The following RAI1 variants were observed in gnomAD, a reference collection of about 807,000 sequenced individuals.
RAI1 encodes the protein retinoic acid-induced protein 1.
In RAI1, 9 loss-of-function variants were observed where a neutral mutation model predicts 123.8. The observed-to-expected ratio is 0.07, with a 90% confidence interval of 0.04 to 0.13. The LOEUF (loss-of-function observed/expected upper bound fraction) is 0.13. Among genes scored for constraint, RAI1 ranks in the 10% least tolerant of loss-of-function variants. The pLI is 1.00. For synonymous variants in RAI1, 1,231 were observed against 1,127.3 expected (o/e 1.09, Z -1.84); for missense variants, 2,256 against 2,545.8 (o/e 0.89, Z 2.45).
At chr17:17,763,497 C>T (rs1418607705) in intron 2 of RAI1, among the ~76,000 whole-genome samples, 1 of 152,180 alleles carries the variant, frequency 6.6e-6, no homozygotes, top group Non-Finnish European at 1.5e-5. Context: ...GAGGGGGCAC[C>T]GAGGGACCCT....
rs1475115260 is a variant in RAI1 at position 17,811,100 on chromosome 17, C to G, written c.*1119C>G. On this transcript the variant is annotated 3_prime_UTR_variant, in exon 6 of 6. Coordinates refer to ENST00000353383, the MANE Select transcript of RAI1 (RefSeq NM_030665.4). ...GTCCCTGCCAGTCCGTCCGCCTGTC[C>G]GTCCGTGTCCTCAGCTCTGTCCACG... 3.4e-6 allele frequency: 1 copy of G among 290,996 alleles called. No individual in the cohort carries two copies. Among genetic ancestry groups the G allele is most frequent in the Non-Finnish European group, 6.8e-6 (1 of 146,616 alleles). 18.0% of individuals were successfully genotyped at this position (290,996 alleles called of 1,614,324 possible). A position where few individuals can be genotyped will look rare whatever the true frequency, so the allele number is the denominator to read the frequency against.
chr17:17,772,288 C>T (rs2031190663), intron 2 of RAI1, among the ~76,000 whole-genome samples: 2 of 152,288 alleles, frequency 1.3e-5, no homozygotes, highest in South Asian at 4.2e-4. Flanking sequence ...GAATTTCTCC[C>T]TGCATTTCCA....
chr17:17,723,653 G>A (rs1915964618), intron 1 of RAI1, among the ~76,000 whole-genome samples: 1 of 116,916 alleles, frequency 8.6e-6, no homozygotes, highest in East Asian at 2.7e-4. Flanking sequence ...CTCCCTTCCC[G>A]AGCTCATCTC....
At chr17:17,785,920 C>G (rs556714372) in intron 2 of RAI1, among the ~76,000 whole-genome samples, 3 of 152,330 alleles carry the variant, frequency 2.0e-5, no homozygotes, top group Admixed American at 2.0e-4. Flanking sequence ...AGGCCACAGA[C>G]AGTGTCTCTT....
intron 1 of RAI1, among the ~76,000 whole-genome samples, chr17:17,710,050 ACACT>A (rs1239521568): frequency 1.3e-5 from 2 of 151,914 alleles, no homozygotes; most frequent in African/African-American, 4.8e-5. Context: ...CCTCACACAC[ACACT>A]CTGCACCACT....
intron 1 of RAI1, among the ~76,000 whole-genome samples, chr17:17,708,462 CAG>C (rs1442489312): frequency 2.4e-4 from 37 of 151,996 alleles, no homozygotes; most frequent in African/African-American, 4.3e-4. Flanking sequence ...CCCTTAGAGA[CAG>C]AGTCTCACTA....
intron 2 of RAI1, among the ~76,000 whole-genome samples, chr17:17,743,190 A>G (rs1369044831): frequency 2.0e-5 from 3 of 152,026 alleles, no homozygotes; most frequent in South Asian, 2.1e-4. Flanking sequence ...GGATCTCACT[A>G]TGTTGCCCAG....
rs2032473169 is a variant in RAI1 at position 17,801,874 on chromosome 17, AC to A, written c.5566-1879del. 6.6e-6 allele frequency among the ~76,000 whole-genome samples: 1 copy of A among 152,204 alleles called. No individual in the cohort carries two copies. ...TACTCAGCCTCAGCTCTCATTGGTA[AC>A]CCAGGTAAAATAACAGTAATCCCAT... is the stretch of plus-strand genomic sequence containing the variant. On this transcript the variant is annotated intron_variant, in intron 3 of 5. Transcript: ENST00000353383. The surrounding 1 kb of genome is among the most constrained non-coding windows in gnomAD (Gnocchi z 4.1).
chr17:17,700,682 C>T (rs1567830980), intron 1 of RAI1, among the ~76,000 whole-genome samples: 1 of 152,116 alleles, frequency 6.6e-6, no homozygotes, highest in Non-Finnish European at 1.5e-5. Context: ...GAGGCCGGGC[C>T]TCGTCCGCCG....
chr17:17,708,709 C>T (rs6502615), intron 1 of RAI1, among the ~76,000 whole-genome samples: 62,235 of 151,978 alleles, frequency 0.41, 13,495 homozygotes, highest in Middle Eastern at 0.52. Flanking sequence ...CTCTTTCTAG[C>T]GACTGAGGGC....
At chr17:17,764,814 T>G (rs2030854477) in intron 2 of RAI1, among the ~76,000 whole-genome samples, 1 of 152,274 alleles carries the variant, frequency 6.6e-6, no homozygotes, top group Non-Finnish European at 1.5e-5. Context: ...GGTCCTGAAC[T>G]CCTGGCCTCA....
intron 2 of RAI1, among the ~76,000 whole-genome samples, chr17:17,791,217 G>C (rs531730818): frequency 6.6e-6 from 1 of 152,338 alleles, no homozygotes; most frequent in East Asian, 1.9e-4. Flanking sequence ...GGTGGTCCCA[G>C]GACTGGGCTG....
At chr17:17,686,980 A>G (rs1379566570) in intron 1 of RAI1, among the ~76,000 whole-genome samples, 2 of 152,044 alleles carry the variant, frequency 1.3e-5, no homozygotes, top group Non-Finnish European at 2.9e-5. Context: ...AACAATGAGC[A>G]TCCGGTTTCT....
chr17:17,792,646 C>T (rs1204763329), intron 2 of RAI1, among the ~76,000 whole-genome samples: 1 of 151,798 alleles, frequency 6.6e-6, no homozygotes, highest in Non-Finnish European at 1.5e-5. Context: ...GCATCAGTGG[C>T]CGTCCTTGGC....
intron 1 of RAI1, among the ~76,000 whole-genome samples, chr17:17,707,305 G>C (rs1159084263): frequency 6.6e-6 from 1 of 152,124 alleles, no homozygotes; most frequent in East Asian, 1.9e-4. Context: ...CTTTTAAAAA[G>C]AAGATAGATG....
intron 2 of RAI1, among the ~76,000 whole-genome samples, chr17:17,792,199 A>G (rs1297782133): frequency 6.6e-6 from 1 of 152,216 alleles, no homozygotes; most frequent in Non-Finnish European, 1.5e-5. Flanking sequence ...CCTGGGAGTC[A>G]GAGGAGGGGA....
intron 2 of RAI1, among the ~76,000 whole-genome samples, chr17:17,730,138 TG>T (rs1916220286): frequency 6.6e-6 from 1 of 152,188 alleles, no homozygotes; most frequent in Admixed American, 6.5e-5. Context: ...CTGCCTGCGC[TG>T]GGTCATCCCT....
chr17:17,759,229 GAGA>G (rs936529671), intron 2 of RAI1: 1 of 152,232 alleles, frequency 6.6e-6, no homozygotes, highest in African/African-American at 2.4e-5. Flanking sequence ...AGCATGCCTA[GAGA>G]AGAAGAAGCG....
Position 17,797,858 on chromosome 17 carries a change from C to T in RAI1, c.4910C>T (p.Ser1637Leu), listed in dbSNP as rs200726601. Reference sequence around the variant, plus strand: ...TCCTCTGCCTCCTCTTCCTCATCCTCGTCCTCGTTCTCCTTGGATGCAGCC... The same window carrying T: ...TCCTCTGCCTCCTCTTCCTCATCCTTGTCCTCGTTCTCCTTGGATGCAGCC... Reference protein sequence around the residue: ...PSSSASSSSSSSSFSLDAAGA... With the variant: ...PSSSASSSSSLSSFSLDAAGA... Residue 1637 changes from serine (S) to leucine (L), a missense_variant, in exon 3 of 6, where the codon TCG (serine) becomes TTG (leucine). By Grantham distance (145) the Ser-to-Leu change is moderately radical. This residue lies in a region of RAI1 where 410 missense variants were observed against 374.6 expected (regional missense o/e 1.09). Coordinates refer to ENST00000353383, the MANE Select transcript of RAI1 (RefSeq NM_030665.4). The T allele has an allele frequency of 2.9e-4, 470 of 1,614,004 alleles. 2 individuals are homozygous for T. The highest frequency in any genetic ancestry group is 1.6e-4 in the East Asian group (7 of 44,866).
Sources: allele counts gnomAD v4.1 joint callset (sites outside exome capture counted in the v4.1 genomes callset), GRCh38; gene constraint gnomAD v4.1.1; regional missense constraint gnomAD v4.1.1; non-coding constraint Gnocchi (gnomAD v3.1); transcripts MANE v1.5; gene names NCBI Gene and HGNC (gene_info 2026-07-23, HGNC 2026-07-21).